The following DIAPH2 variants were observed in gnomAD, a reference collection of about 807,000 sequenced individuals.
The protein encoded by DIAPH2 is diaphanous related formin 2.
Under a neutral mutation model 92.7 loss-of-function variants are expected in DIAPH2, and 35 were observed. The observed-to-expected ratio is 0.38, with a 90% CI of 0.29 to 0.50. DIAPH2 has a LOEUF of 0.50. DIAPH2 is among the 20% of genes least tolerant of loss of function. The pLI, the probability that DIAPH2 is intolerant of heterozygous loss-of-function variation, is 0.94. For missense variants in DIAPH2, 701 were observed against 819.5 expected (o/e 0.86, Z 1.77); for synonymous variants, 301 against 280.4 (o/e 1.07, Z -0.73).
At chrX:97,555,917 C>A (rs1372155317) in intron 26 of DIAPH2, among the ~76,000 whole-genome samples, 1 of 111,983 alleles carries the variant, frequency 8.9e-6, no homozygotes, top group Non-Finnish European at 1.9e-5. Context: ...GCGCCAATCG[C>A]AGTTACTCTA....
intron 1 of DIAPH2, among the ~76,000 whole-genome samples, chrX:96,688,799 A>G (rs777742428): frequency 1.6e-3 from 174 of 112,049 alleles, no homozygotes; most frequent in Non-Finnish European, 2.6e-3. Context: ...TTAAAATGCA[A>G]TGTGAGCCAG....
intron 4 of DIAPH2, among the ~76,000 whole-genome samples, chrX:96,817,292 T>C (rs1242251034): frequency 9.0e-6 from 1 of 111,290 alleles, no homozygotes; most frequent in Non-Finnish European, 1.9e-5. Context: ...TACCATGATG[T>C]GATTATTATG....
At chrX:97,095,244 T>G (rs986495618) in intron 19 of DIAPH2, among the ~76,000 whole-genome samples, 16 of 102,578 alleles carry the variant, frequency 1.6e-4, no homozygotes, top group African/African-American at 4.2e-4. Context: ...AGCCTCCCGA[T>G]TAGCTGGGAC....
At chrX:97,459,377 G>A (rs1365517712) in intron 26 of DIAPH2, among the ~76,000 whole-genome samples, 1 of 112,071 alleles carries the variant, frequency 8.9e-6, no homozygotes, top group African/African-American at 3.2e-5. Flanking sequence ...TTACCTTTCT[G>A]CCTCAGTATT....
intron 22 of DIAPH2, among the ~76,000 whole-genome samples, chrX:97,185,367 ATG>A (rs1491403767): frequency 7.4e-5 from 4 of 54,158 alleles, no homozygotes; most frequent in African/African-American, 3.9e-4. Flanking sequence ...GTATATATAT[ATG>A]TATATATATA....
chrX:97,246,160 C>T (rs1265223272), intron 22 of DIAPH2, among the ~76,000 whole-genome samples: 2 of 109,013 alleles, frequency 1.8e-5, no homozygotes, highest in East Asian at 5.8e-4. Context: ...GTAATCCGCC[C>T]ACCTCAGCCT....
rs769846318 is a variant in DIAPH2 at position 97,247,703 on chromosome X, A to G, written c.2720-12A>G. ...GTAAAATATTCTAAATCCTTTGCAC[A>G]CTGTTCTTTAGTTTCAGCTCAAATT... On this transcript the variant is annotated splice_polypyrimidine_tract_variant and intron_variant, in intron 22 of 26. Coordinates refer to ENST00000324765, the MANE Select transcript of DIAPH2 (RefSeq NM_006729.5). The G allele has an allele frequency of 8.3e-7, 1 of 1,197,759 alleles. No homozygotes were observed. The highest frequency in any genetic ancestry group is 3.0e-5 in the East Asian group (1 of 33,492).
chrX:96,942,369 C>G (rs1364214924), intron 13 of DIAPH2, among the ~76,000 whole-genome samples: 17 of 110,816 alleles, frequency 1.5e-4, no homozygotes. Context: ...AGTTCCAACA[C>G]TCCTGGAGGT....
At chrX:96,811,214 C>T (rs972518484) in intron 4 of DIAPH2, among the ~76,000 whole-genome samples, 1 of 111,380 alleles carries the variant, frequency 9.0e-6, no homozygotes, top group Non-Finnish European at 1.9e-5. Context: ...TTGGAGTTCT[C>T]CTTGAAGAGG....
chrX:96,973,362 G>GT (rs982643428), intron 17 of DIAPH2, among the ~76,000 whole-genome samples: 5 of 111,156 alleles, frequency 4.5e-5, no homozygotes, highest in Non-Finnish European at 9.4e-5. Context: ...ACTGGGTGTG[G>GT]TGATATGCAC....
chrX:97,495,956 C>T (rs1300081113), intron 26 of DIAPH2, among the ~76,000 whole-genome samples: 2 of 110,407 alleles, frequency 1.8e-5, no homozygotes, highest in Non-Finnish European at 3.8e-5. Context: ...ATACCTCATT[C>T]CATATTGTCA....
chrX:97,396,990 A>C (rs375421530), intron 25 of DIAPH2, among the ~76,000 whole-genome samples: 25 of 111,949 alleles, frequency 2.2e-4, no homozygotes, highest in East Asian at 1.1e-3. Context: ...AAAATCATCT[A>C]TATTTCTTTT....
chrX:96,949,738 T>TA (rs1208249970), intron 15 of DIAPH2, among the ~76,000 whole-genome samples: 1 of 102,969 alleles, frequency 9.7e-6, no homozygotes, highest in African/African-American at 3.6e-5. Context: ...TGGGCTCCTG[T>TA]AGTCCCAGCT....
intron 26 of DIAPH2, among the ~76,000 whole-genome samples, chrX:97,507,223 C>T (rs931464372): frequency 1.6e-4 from 17 of 106,439 alleles, no homozygotes; most frequent in African/African-American, 3.5e-5. Flanking sequence ...ATGCAGAATA[C>T]GCATCTTATT....
chrX:97,437,442 TC>T (rs1411040015), intron 26 of DIAPH2, among the ~76,000 whole-genome samples: 4 of 111,005 alleles, frequency 3.6e-5, no homozygotes, highest in African/African-American at 1.3e-4. Context: ...CAAATATGGG[TC>T]TTGCCCTTAA....
chrX:97,368,860 C>G (rs1303464268), intron 24 of DIAPH2, among the ~76,000 whole-genome samples: 1 of 107,651 alleles, frequency 9.3e-6, no homozygotes, highest in East Asian at 2.9e-4. Context: ...AATAGAATAT[C>G]ACACCTGAAG....
At chrX:97,329,927 CACACACA>C (rs1569364092) in intron 23 of DIAPH2, among the ~76,000 whole-genome samples, 10 of 105,946 alleles carry the variant, frequency 9.4e-5, no homozygotes, top group African/African-American at 3.4e-4. Flanking sequence ...CACACACACA[CACACACA>C]CACCCCACAT....
intron 23 of DIAPH2, among the ~76,000 whole-genome samples, chrX:97,322,572 A>C (rs2068907340): frequency 8.9e-6 from 1 of 111,794 alleles, no homozygotes. Context: ...AGGCATACAC[A>C]AAGAAAACAC....
intron 17 of DIAPH2, among the ~76,000 whole-genome samples, chrX:97,041,861 C>T (rs2066450594): frequency 9.0e-6 from 1 of 111,578 alleles, no homozygotes; most frequent in Non-Finnish European, 1.9e-5. Flanking sequence ...CATTGACTAG[C>T]TAGCAGTGAT....
Sources: gnomAD v4.1 joint callset for allele counts (sites outside exome capture counted in the v4.1 genomes callset) on GRCh38, gnomAD v4.1.1 for gene constraint, MANE v1.5 for transcripts, NCBI Gene and HGNC (gene_info 2026-07-23, HGNC 2026-07-21) for gene names.